MLLT3: variants seen among roughly 807,000 people sequenced by gnomAD.
MLLT3 encodes the protein protein AF-9.
A neutral mutation model predicts 53.2 loss-of-function variants in MLLT3; 4 were observed. The observed-to-expected ratio is 0.08, with a 90% CI of 0.04 to 0.17. MLLT3 has a LOEUF of 0.17. Among genes scored for constraint, MLLT3 ranks in the 10% least tolerant of loss-of-function variants. The probability of loss-of-function intolerance (pLI) is 1.00; values close to 1 mark genes in which losing one functional copy is unlikely to be tolerated. For synonymous variants in MLLT3, 283 were observed against 230.6 expected (o/e 1.23, Z -2.06); for missense variants, 569 against 684.0 (o/e 0.83, Z 1.87).
chr9:20,355,200 CA>C (rs1821142180), intron 8 of MLLT3, among the ~76,000 whole-genome samples: 1 of 151,582 alleles, frequency 6.6e-6, no homozygotes. Context: ...ATATGTATAG[CA>C]GCTGAGTTAT....
At chr9:20,595,070 G>A (rs1353209412) in intron 2 of MLLT3, among the ~76,000 whole-genome samples, 1 of 152,056 alleles carries the variant, frequency 6.6e-6, no homozygotes, top group Non-Finnish European at 1.5e-5. Flanking sequence ...ACTGGGCATG[G>A]GGGTTGCAGG....
intron 2 of MLLT3, among the ~76,000 whole-genome samples, chr9:20,582,808 C>T (rs1415731813): frequency 1.3e-5 from 2 of 152,162 alleles, no homozygotes; most frequent in East Asian, 1.9e-4. Context: ...TCAATTACTT[C>T]CCCCTGGGTC....
At chr9:20,597,847 T>C (rs1458860244) in intron 2 of MLLT3, among the ~76,000 whole-genome samples, 3 of 152,198 alleles carry the variant, frequency 2.0e-5, no homozygotes, top group African/African-American at 7.2e-5. Context: ...TATAGAAGCT[T>C]ACTAATATTT....
intron 2 of MLLT3, among the ~76,000 whole-genome samples, chr9:20,478,845 G>A (rs942422406): frequency 6.6e-6 from 1 of 152,190 alleles, no homozygotes; most frequent in East Asian, 1.9e-4. Context: ...AGAAGGAGAG[G>A]AAGGGGAGAA....
At chr9:20,589,058 C>A (rs1425667335) in intron 2 of MLLT3, among the ~76,000 whole-genome samples, 1 of 150,750 alleles carries the variant, frequency 6.6e-6, no homozygotes, top group African/African-American at 2.4e-5. Context: ...CTAGAAATAC[C>A]ATTTGACCCA....
chr9:20,497,515 T>C (rs1033306194), intron 2 of MLLT3, among the ~76,000 whole-genome samples: 6 of 152,326 alleles, frequency 3.9e-5, no homozygotes, highest in Admixed American at 1.3e-4. Context: ...CTGCATTTTA[T>C]AGAATTTTGT....
At chr9:20,474,114 C>T (rs1392636843) in intron 2 of MLLT3, among the ~76,000 whole-genome samples, 2 of 152,104 alleles carry the variant, frequency 1.3e-5, no homozygotes, top group Non-Finnish European at 2.9e-5. Flanking sequence ...CTTTTTCGGT[C>T]TCTTGGCTCC....
At chr9:20,547,763 CA>C (rs1484483367) in intron 2 of MLLT3, among the ~76,000 whole-genome samples, 1 of 151,922 alleles carries the variant, frequency 6.6e-6, no homozygotes, top group Non-Finnish European at 1.5e-5. Context: ...CTAGCCTGGG[CA>C]ACAGAACAAT....
intron 2 of MLLT3, among the ~76,000 whole-genome samples, chr9:20,567,189 A>AC (rs1819398380): frequency 6.6e-6 from 1 of 151,198 alleles, no homozygotes; most frequent in East Asian, 1.9e-4. Context: ...TCAAAAAAAA[A>AC]AAAAAAAAGT....
chr9:20,582,561 C>A (rs1313373766), intron 2 of MLLT3, among the ~76,000 whole-genome samples: 1 of 152,144 alleles, frequency 6.6e-6, no homozygotes, highest in East Asian at 1.9e-4. Context: ...TTTCACCCTG[C>A]TGATAAAGAC....
At chr9:20,533,858 G>C (rs765381744) in intron 2 of MLLT3, among the ~76,000 whole-genome samples, 3 of 152,196 alleles carry the variant, frequency 2.0e-5, no homozygotes, top group Admixed American at 6.5e-5. Context: ...AGTCATAGAA[G>C]CAAAGAAAGG....
intron 2 of MLLT3, among the ~76,000 whole-genome samples, chr9:20,514,967 G>C (rs979771380): frequency 9.7e-6 from 1 of 103,604 alleles, no homozygotes; most frequent in African/African-American, 3.9e-5. Flanking sequence ...TTTTTTTTGA[G>C]ACGGAGTCTT....
At position 20,363,482 on chromosome 9, in the gene MLLT3, C is replaced by T; in HGVS notation, c.1325G>A (p.Ser442Asn). 1 of 1,613,824 alleles carries T rather than the reference C, an allele frequency of 6.2e-7. No homozygotes were observed. The highest frequency in any genetic ancestry group is 8.5e-7 in the Non-Finnish European group (1 of 1,179,870). Residue 442 changes from serine to asparagine, a missense_variant, in exon 7 of 11, where the codon AGT becomes AAT. Coordinates refer to ENST00000380338, the MANE Select transcript of MLLT3 (RefSeq NM_004529.4). ...TTCCTTCCAAGATACTCACCTGCGA[C>T]TTCGGCTGCCTCCTCTATTTACAGG... is the stretch of plus-strand genomic sequence containing the variant. ...ERPVNRGGSR[S>N]RRVSLSDGSD...
intron 2 of MLLT3, among the ~76,000 whole-genome samples, chr9:20,528,227 T>G (rs1428684389): frequency 6.6e-6 from 1 of 152,248 alleles, no homozygotes; most frequent in African/African-American, 2.4e-5. Flanking sequence ...ACTGGGTGTG[T>G]GTATAAATAT....
At chr9:20,565,922 TTA>T (rs775070739) in intron 2 of MLLT3, among the ~76,000 whole-genome samples, 22 of 97,616 alleles carry the variant, frequency 2.3e-4, no homozygotes, top group East Asian at 9.5e-4. Flanking sequence ...ATATATATAT[TTA>T]TATATATATA....
At chr9:20,536,764 C>G (rs1263155037) in intron 2 of MLLT3, among the ~76,000 whole-genome samples, 1 of 150,292 alleles carries the variant, frequency 6.7e-6, no homozygotes, top group Non-Finnish European at 1.5e-5. Context: ...TTTAAAAATA[C>G]AAAATTACTA....
rs145172777 is a variant in MLLT3 at position 20,366,570 on chromosome 9, T to C, written c.1126-826A>G. On this transcript the variant is annotated intron_variant, in intron 5 of 10. Coordinates refer to ENST00000380338, the MANE Select transcript of MLLT3 (RefSeq NM_004529.4). ...TTTGGGTATATACCCCATAATGTGA[T>C]TGCTGGGTCAAATGGTATTTCTGGT... is the stretch of plus-strand genomic sequence containing the variant. Among the ~76,000 whole-genome samples the C allele has an allele frequency of 9.3e-4, 142 of 152,338 alleles. 1 individual carries two copies. The highest frequency in any genetic ancestry group is 3.2e-3 in the African/African-American group (132 of 41,572).
intron 10 of MLLT3, among the ~76,000 whole-genome samples, chr9:20,348,838 A>G (rs1021763082): frequency 6.6e-6 from 1 of 152,210 alleles, no homozygotes; most frequent in Non-Finnish European, 1.5e-5. Flanking sequence ...CCACACACAT[A>G]CAGAAACACA....
intron 2 of MLLT3, among the ~76,000 whole-genome samples, chr9:20,615,805 T>C (rs796651076): frequency 1.2e-4 from 18 of 146,692 alleles, no homozygotes; most frequent in African/African-American, 4.1e-4. Flanking sequence ...GGACATGTGA[T>C]AACACAATAG....
Sources: allele counts gnomAD v4.1 joint callset (sites outside exome capture counted in the v4.1 genomes callset), GRCh38; gene constraint gnomAD v4.1.1; transcripts MANE v1.5; gene names NCBI Gene and HGNC (gene_info 2026-07-23, HGNC 2026-07-21).